The following PDE4D variants were observed in gnomAD, a reference collection of about 807,000 sequenced individuals.
The protein encoded by PDE4D is 3',5'-cyclic-AMP phosphodiesterase 4D.
A neutral mutation model predicts 87.4 loss-of-function variants in PDE4D; 24 were observed. The observed-to-expected ratio is 0.27, with a 90% CI of 0.20 to 0.39. The LOEUF is 0.39. Among genes scored for constraint, PDE4D ranks in the 10% least tolerant of loss-of-function variants. The pLI is 1.00. For missense variants in PDE4D, 714 were observed against 1,041.0 expected (o/e 0.69, Z 4.32); for synonymous variants, 384 against 383.2 (o/e 1.00, Z -0.02).
chr5:60,302,499 G>A (rs1419663793), intron 1 of PDE4D, among the ~76,000 whole-genome samples: 4 of 152,120 alleles, frequency 2.6e-5, no homozygotes, highest in Non-Finnish European at 1.5e-5. Flanking sequence ...GAATTTCTGT[G>A]GAGTCAGTGG....
chr5:60,379,512 C>T (rs1435746802), intron 1 of PDE4D, among the ~76,000 whole-genome samples: 1 of 152,228 alleles, frequency 6.6e-6, no homozygotes. Context: ...AAGCTGTCCT[C>T]AGCCACAGAC....
At chr5:60,304,651 C>CAAAAAAAAAAAAAAAAAAAAA (rs70975379) in intron 1 of PDE4D, among the ~76,000 whole-genome samples, 11 of 60,074 alleles carry the variant, frequency 1.8e-4, no homozygotes, top group African/African-American at 8.6e-4. Context: ...GACTCCGTCT[C>CAAAAAAAAAAAAAAAAAAAAA]AAAAAAAAAA....
chr5:59,992,856 T>C (rs1763152519), intron 2 of PDE4D, among the ~76,000 whole-genome samples: 1 of 152,198 alleles, frequency 6.6e-6, no homozygotes, highest in Admixed American at 6.5e-5. Context: ...TCTAACATTT[T>C]CCATTCCAAA....
At chr5:60,294,767 C>G (rs1386931395) in intron 1 of PDE4D, among the ~76,000 whole-genome samples, 1 of 151,964 alleles carries the variant, frequency 6.6e-6, no homozygotes, top group East Asian at 1.9e-4. Flanking sequence ...TGTATTTTTA[C>G]AGTTATAATA....
At chr5:59,649,011 C>T (rs1742930791) in intron 1 of PDE4D, among the ~76,000 whole-genome samples, 2 of 152,144 alleles carry the variant, frequency 1.3e-5, no homozygotes, top group South Asian at 4.2e-4. Flanking sequence ...AAGTTGGATT[C>T]TTATATATAG....
At chr5:59,792,776 A>G (rs777570365) in intron 1 of PDE4D, among the ~76,000 whole-genome samples, 2 of 152,218 alleles carry the variant, frequency 1.3e-5, no homozygotes, top group Non-Finnish European at 2.9e-5. Flanking sequence ...AAACAGAACA[A>G]AAAGGCCCTT....
chr5:60,359,265 G>A (rs576405332), intron 1 of PDE4D, among the ~76,000 whole-genome samples: 3 of 152,188 alleles, frequency 2.0e-5, no homozygotes, highest in South Asian at 2.1e-4. Flanking sequence ...AAAATTGGCC[G>A]GGCATGGTGG....
At chr5:59,697,372 A>C (rs962855383) in intron 1 of PDE4D, among the ~76,000 whole-genome samples, 3 of 152,218 alleles carry the variant, frequency 2.0e-5, no homozygotes, top group African/African-American at 7.2e-5. Context: ...AAGGGGCTTA[A>C]TCTTTCTGGG....
rs369831663 is a variant in PDE4D, at chr5:58,987,853, A to G, written c.1552+640T>C. Among the ~76,000 whole-genome samples, 15 of 152,324 alleles carry G rather than the reference A, an allele frequency of 9.8e-5. No individual in the cohort carries two copies. The East Asian group carries it at 2.7e-3, about 27-fold the overall frequency. On this transcript the variant is annotated intron_variant, in intron 11 of 14. Coordinates refer to ENST00000340635, the MANE Select transcript of PDE4D (RefSeq NM_001104631.2). ...AACCTAAATCTCTTTACCAAGGGAT[A>G]GCTCAAGCATTACCTAAACATTCCC...
At position 59,518,221 on chromosome 5, in the gene PDE4D, G is replaced by A. The variant is rs916484327; in HGVS notation, c.456-302253C>T. 1.6e-3 allele frequency among the ~76,000 whole-genome samples: 237 copies of A among 147,402 alleles called. 1 individual carries two copies. Among genetic ancestry groups the A allele is most frequent in the African/African-American group, 5.5e-3 (216 of 39,532 alleles). On this transcript the variant is annotated intron_variant, in intron 1 of 14. Coordinates refer to ENST00000340635, the MANE Select transcript of PDE4D (RefSeq NM_001104631.2). ...TGTGTGTGTGTGTGTGTGTGTGTGT[G>A]TATAAAATTTACACCAGTGGCAAAA...
chr5:59,131,114 C>T (rs756196861), intron 5 of PDE4D, among the ~76,000 whole-genome samples: 1 of 152,108 alleles, frequency 6.6e-6, no homozygotes, highest in Admixed American at 6.5e-5. Flanking sequence ...AAAAAAGATG[C>T]CTTAAATATA....
intron 1 of PDE4D, among the ~76,000 whole-genome samples, chr5:59,690,901 T>A (rs1461099218): frequency 2.0e-5 from 3 of 152,138 alleles, no homozygotes; most frequent in African/African-American, 7.2e-5. Context: ...CATCAAAAAG[T>A]GGGCAAAGGA....
intron 5 of PDE4D, among the ~76,000 whole-genome samples, chr5:59,081,194 A>C (rs1189342225): frequency 6.6e-6 from 1 of 152,128 alleles, no homozygotes; most frequent in African/African-American, 2.4e-5. Context: ...TATTTGAAAA[A>C]TTTAAAACCA....
intron 1 of PDE4D, among the ~76,000 whole-genome samples, chr5:60,256,884 A>G (rs1389758103): frequency 6.6e-6 from 1 of 151,962 alleles, no homozygotes; most frequent in Non-Finnish European, 1.5e-5. Context: ...ATATTATAGA[A>G]TCCAAAATTC....
At chr5:59,552,791 C>T (rs1484892566) in intron 1 of PDE4D, among the ~76,000 whole-genome samples, 3 of 152,168 alleles carry the variant, frequency 2.0e-5, no homozygotes, top group South Asian at 4.1e-4. Flanking sequence ...CCTTATTTGA[C>T]ATGAGCATGA....
At position 59,901,454 on chromosome 5, in the gene PDE4D, A is replaced by T. The variant is rs957618018; in HGVS notation, c.272+87034T>A. On this transcript the variant is annotated intron_variant, in intron 3 of 16. Transcript: ENST00000502484. Reference sequence around the variant, plus strand: ...TTACAGCGAAAGACTGATAAACTATACTAACATTTGGAACTTCTATTCAAG... The same window carrying T: ...TTACAGCGAAAGACTGATAAACTATTCTAACATTTGGAACTTCTATTCAAG... 3.3e-5 allele frequency among the ~76,000 whole-genome samples: 5 copies of T among 152,192 alleles called. No homozygotes were observed. The East Asian group carries it at 9.6e-4, about 29-fold the overall frequency.
chr5:59,902,747 G>A (rs1752407972), intron 3 of PDE4D, among the ~76,000 whole-genome samples: 1 of 152,166 alleles, frequency 6.6e-6, no homozygotes, highest in African/African-American at 2.4e-5. Context: ...GGAAGAGGCA[G>A]TAAGCCATGT....
rs1011671601 is a variant in PDE4D at position 59,994,859 on chromosome 5, C to T, written c.43-6142G>A. On this transcript the variant is annotated intron_variant, in intron 2 of 16. Transcript: ENST00000502484. ...AGTTCAACCTATCTTAATTGTGTTT[C>T]CATTCCTATTAATTTCCCAATTAAT... 2.6e-5 allele frequency among the ~76,000 whole-genome samples: 4 copies of T among 152,156 alleles called. No individual in the cohort carries two copies. The South Asian group carries it at 6.2e-4, about 24-fold the overall frequency.
intron 1 of PDE4D, among the ~76,000 whole-genome samples, chr5:59,454,442 G>A (rs945040693): frequency 3.3e-5 from 5 of 152,138 alleles, no homozygotes; most frequent in South Asian, 2.1e-4. Context: ...TTTGCCTGCC[G>A]CCATCCATGT....
Sources: allele counts gnomAD v4.1 joint callset (sites outside exome capture counted in the v4.1 genomes callset), GRCh38; gene constraint gnomAD v4.1.1; transcripts MANE v1.5; gene names NCBI Gene and HGNC (gene_info 2026-07-23, HGNC 2026-07-21).